Variants in VGLL2 observed in about 807,000 individuals in gnomAD.
VGLL2 encodes the protein transcription cofactor vestigial-like protein 2.
A neutral mutation model predicts 27.0 loss-of-function variants in VGLL2; 18 were observed. That is an observed-to-expected ratio of 0.67 (90% confidence interval 0.46 to 0.99). The LOEUF (loss-of-function observed/expected upper bound fraction) is 0.99, where lower values mean the gene tolerates loss of function less well. Ranked by LOEUF, VGLL2 falls within the 50% of genes least tolerant of loss-of-function variation. The pLI is 0.00. For synonymous variants in VGLL2, 220 were observed against 201.1 expected (o/e 1.09, Z -0.80); for missense variants, 491 against 452.3 (o/e 1.09, Z -0.78).
intron 1 of VGLL2, among the ~76,000 whole-genome samples, chr6:117,266,266 G>A (rs1188643121): frequency 6.6e-6 from 1 of 152,208 alleles, no homozygotes; most frequent in Non-Finnish European, 1.5e-5. Context: ...AGGCCAGCCA[G>A]CCTCTTTCTG....
At chr6:117,265,870 G>A (rs1197929779) in intron 1 of VGLL2, 26 bp downstream of exon 1, 1 of 1,602,680 alleles carries the variant, frequency 6.2e-7, no homozygotes, top group South Asian at 1.1e-5. Context: ...GGGGACTTTG[G>A]GAAGGAGTGC....
chr6:117,272,302 T>G, intron 3 of VGLL2, 152 bp from the exon 4 acceptor site: 1 of 1,501,790 alleles, frequency 6.7e-7, no homozygotes, highest in Non-Finnish European at 8.9e-7. Flanking sequence ...CTTCTCTCTA[T>G]TTTCAGGTTT....
Position 117,272,452 on chromosome 6 carries a change from A to AGCT in VGLL2, c.914-1_915dup. The AGCT allele has an allele frequency of 6.2e-7, 1 of 1,614,190 alleles. No homozygotes were observed. Among genetic ancestry groups the AGCT allele is most frequent in the Non-Finnish European group, 8.5e-7 (1 of 1,180,034 alleles). The stretch of plus-strand genomic sequence containing the variant: ...GTAACAGCTTCTGATCTTGGTTTGC[A>AGCT]GCTCGTCGTTATTCCCTCTGTGGTG... On this transcript the variant is annotated splice_acceptor_variant, in intron 3 of 3. Transcript: ENST00000326274. LOFTEE classifies it high-confidence loss of function.
Position 117,270,952 on chromosome 6 carries a change from C to A in VGLL2, c.801C>A (p.Cys267Ter). The A allele has an allele frequency of 4.0e-6, 5 of 1,237,230 alleles. No homozygotes were observed. Among genetic ancestry groups the A allele is most frequent in the Non-Finnish European group, 5.0e-6 (5 of 995,100 alleles). The allele number at this position is 1,237,230 out of a possible 1,614,324, so 76.6% of individuals were successfully genotyped here. ...APAPAPGSPPCELSGKGEPAG... is the reference protein window; with the variant it reads ...APAPAPGSPP ...CGCCCGCGCCCGGCAGTCCTCCCTG[C>A]GAGCTCTCCGGCAAAGGCGAGCCGG... The change falls in exon 3 of 4, where the codon TGC (cysteine) becomes TGA (stop). Residue 267 changes from cysteine (C) to a stop codon, truncating the protein, a stop_gained. Transcript: ENST00000326274. LOFTEE classifies it high-confidence loss of function.
At position 117,272,550 on chromosome 6, in the gene VGLL2, A is replaced by G. The variant is rs1773224106; in HGVS notation, c.*56A>G. 4 of 1,612,692 alleles carry G rather than the reference A, an allele frequency of 2.5e-6. No homozygotes were observed. The highest frequency in any genetic ancestry group is 1.7e-5 in the Admixed American group (1 of 59,912). Reference sequence around the variant, plus strand: ...CCCTTCTGACCAGCCTTGGAGGCTCAGCATCTGTGCCTCTCACTCCGTGGA... The same window carrying G: ...CCCTTCTGACCAGCCTTGGAGGCTCGGCATCTGTGCCTCTCACTCCGTGGA... On this transcript the variant is annotated 3_prime_UTR_variant, in exon 4 of 4. Coordinates refer to ENST00000326274, the MANE Select transcript of VGLL2 (RefSeq NM_182645.3).
At chr6:117,271,121 T>A (rs1773187546) in intron 3 of VGLL2, 57 bp downstream of exon 3, 1 of 1,188,252 alleles carries the variant, frequency 8.4e-7, no homozygotes, top group Non-Finnish European at 1.0e-6. Context: ...TACCCGACCC[T>A]GGGCTGTGCC....
intron 1 of VGLL2, 123 bp from the exon 2 acceptor site, chr6:117,268,059 G>A (rs1773104381): frequency 9.6e-7 from 1 of 1,042,224 alleles, no homozygotes; most frequent in Non-Finnish European, 1.4e-6. Context: ...AACAGCACAA[G>A]GCTTAAGCCC....
chr6:117,270,177 C>T (rs931452175), intron 2 of VGLL2, among the ~76,000 whole-genome samples: 4 of 151,968 alleles, frequency 2.6e-5, no homozygotes, highest in Admixed American at 6.5e-5. Context: ...TCGCGGGAAG[C>T]TCCTTGAGCT....
At chr6:117,267,759 G>A (rs1773097346) in intron 1 of VGLL2, among the ~76,000 whole-genome samples, 1 of 152,190 alleles carries the variant, frequency 6.6e-6, no homozygotes, top group East Asian at 1.9e-4. Context: ...TTCTGCCCTG[G>A]ATTCTCAGGC....
chr6:117,269,083 G>A (rs912918493), intron 2 of VGLL2, among the ~76,000 whole-genome samples: 3 of 152,106 alleles, frequency 2.0e-5, no homozygotes, highest in African/African-American at 4.8e-5. Flanking sequence ...AAGCAGAAGC[G>A]TCTCAATAGC....
At position 117,265,767 on chromosome 6, in the gene VGLL2, A is replaced by G; in HGVS notation, c.4A>G (p.Ser2Gly). 1 of 1,613,972 alleles carries G rather than the reference A, an allele frequency of 6.2e-7. No homozygotes were observed. Among genetic ancestry groups the G allele is most frequent in the Non-Finnish European group, 8.5e-7 (1 of 1,179,854 alleles). M[S>G]CLDVMYQVYG... ...ACCGTCTCCGCTGCGGAGAGTCATG[A>G]GCTGTCTGGATGTTATGTACCAAGT... The change falls in exon 1 of 4, where the codon AGC becomes GGC. Residue 2 changes from serine to glycine, a missense_variant. Coordinates refer to ENST00000326274, the MANE Select transcript of VGLL2 (RefSeq NM_182645.3).
chr6:117,271,327 A>AATAATAATAATAATAATAATAATAATG (rs1773196809), intron 3 of VGLL2, among the ~76,000 whole-genome samples: 11 of 139,624 alleles, frequency 7.9e-5, no homozygotes, highest in African/African-American at 3.0e-4. Flanking sequence ...TAATAATGAT[A>AATAATAATAATAATAATAATAATAATG]ATAATAATAA....
At chr6:117,271,987 C>T (rs908996072) in intron 3 of VGLL2, among the ~76,000 whole-genome samples, 1 of 152,066 alleles carries the variant, frequency 6.6e-6, no homozygotes, top group Non-Finnish European at 1.5e-5. Flanking sequence ...ATAGTCTGCC[C>T]ACTGCCCCTT....
chr6:117,272,151 C>T (rs1398070554), intron 3 of VGLL2, among the ~76,000 whole-genome samples: 1 of 150,036 alleles, frequency 6.7e-6, no homozygotes, highest in African/African-American at 2.5e-5. Flanking sequence ...TGTGCCTTCC[C>T]TCCCCCATTC....
Position 117,270,560 on chromosome 6 carries a change from A to G in VGLL2, c.409A>G (p.Ser137Gly). Residue 137 changes from serine to glycine, a missense_variant, in exon 3 of 4, where the codon AGC becomes GGC. Ser to Gly is a moderately conservative substitution (Grantham distance 56). Coordinates refer to ENST00000326274, the MANE Select transcript of VGLL2 (RefSeq NM_182645.3). The stretch of plus-strand genomic sequence containing the variant: ...GCCTACAGACTGCTCCTTCCCGATG[A>G]GCCAGCGCAGCTTCCCCGCCTCCTT... Reference protein sequence around the residue: ...GPWRDCSFPMSQRSFPASFWN... With the variant: ...GPWRDCSFPMGQRSFPASFWN... 6.3e-7 allele frequency: 1 copy of G among 1,598,126 alleles called. No homozygotes were observed. Among genetic ancestry groups the G allele is most frequent in the Non-Finnish European group, 8.5e-7 (1 of 1,173,858 alleles).
At position 117,271,327 on chromosome 6, in the gene VGLL2, A is replaced by AATAATAATAATAATAATAATG. The variant is rs1554217541; in HGVS notation, c.913+283_913+284insGATAATAATAATAATAATAAT. 3.1e-3 allele frequency among the ~76,000 whole-genome samples: 427 copies of AATAATAATAATAATAATAATG among 139,586 alleles called. 4 individuals are homozygous for AATAATAATAATAATAATAATG. The highest frequency in any genetic ancestry group is 0.011 in the African/African-American group (408 of 36,468). The allele number at this position is 139,586 out of a possible 152,430, so 91.6% of individuals were successfully genotyped here. A position where few individuals can be genotyped will look rare whatever the true frequency, so the allele number is the denominator to read the frequency against. Reference sequence around the variant, plus strand: ...TAATAATAATAATAATAATAATGATAATAATAATAATAATAATAATAAAAT... The same window carrying AATAATAATAATAATAATAATG: ...TAATAATAATAATAATAATAATGATAATAATAATAATAATAATAATGATAATAATAATAATAATAATAAAAT... On this transcript the variant is annotated intron_variant, in intron 3 of 3. Transcript: ENST00000326274.
Position 117,270,951 on chromosome 6 carries a change from G to T in VGLL2, c.800G>T (p.Cys267Phe). The change falls in exon 3 of 4, where the codon TGC becomes TTC. Residue 267 changes from cysteine (C) to phenylalanine (F), a missense_variant. Physicochemically the swap from Cys to Phe is radical, Grantham distance 205 (BLOSUM62 -2). Transcript: ENST00000326274. ...APAPAPGSPP[C>F]ELSGKGEPAG... ...GCGCCCGCGCCCGGCAGTCCTCCCT[G>T]CGAGCTCTCCGGCAAAGGCGAGCCG... The T allele has an allele frequency of 2.4e-6, 3 of 1,237,516 alleles. No individual in the cohort carries two copies. The highest frequency in any genetic ancestry group is 3.0e-6 in the Non-Finnish European group (3 of 995,320). The allele number at this position is 1,237,516 out of a possible 1,614,324, so 76.7% of individuals were successfully genotyped here.
intron 1 of VGLL2, 54 bp from the exon 2 acceptor site, chr6:117,268,128 G>T: frequency 6.4e-7 from 1 of 1,571,068 alleles, no homozygotes; most frequent in South Asian, 1.2e-5. Context: ...AGTCTGAACC[G>T]AATTTGCCAT....
At chr6:117,271,251 G>A (rs1775670453) in intron 3 of VGLL2, among the ~76,000 whole-genome samples, 187 bp downstream of exon 3, 1 of 150,560 alleles carries the variant, frequency 6.6e-6, no homozygotes, top group Non-Finnish European at 1.5e-5. Context: ...TGAGAAAGTA[G>A]GACCCTACCC....
Sources: gnomAD v4.1 joint callset for allele counts (sites outside exome capture counted in the v4.1 genomes callset) on GRCh38, gnomAD v4.1.1 for gene constraint, MANE v1.5 for transcripts, NCBI Gene and HGNC (gene_info 2026-07-23, HGNC 2026-07-21) for gene names.